The following FCHSD2 variants were observed in gnomAD, a reference collection of about 807,000 sequenced individuals.
FCHSD2 encodes the protein FCH and double SH3 domains 2, also known as F-BAR and double SH3 domains protein 2.
Under a neutral mutation model 108.1 loss-of-function variants are expected in FCHSD2, and 38 were observed. That is an observed-to-expected ratio of 0.35 (90% CI 0.27 to 0.46). The LOEUF (loss-of-function observed/expected upper bound fraction) is 0.46, where lower values mean the gene tolerates loss of function less well. Among genes scored for constraint, FCHSD2 ranks in the 20% least tolerant of loss-of-function variants. The pLI, the probability that FCHSD2 is intolerant of heterozygous loss-of-function variation, is 1.00. For synonymous variants in FCHSD2, 279 were observed against 314.7 expected (o/e 0.89, Z 1.20); for missense variants, 751 against 897.8 (o/e 0.84, Z 2.09).
At chr11:73,038,347 G>GA (rs112268354) in intron 3 of FCHSD2, among the ~76,000 whole-genome samples, 10,344 of 99,154 alleles carry the variant, frequency 0.1, 450 homozygotes, top group South Asian at 0.21. Context: ...GTCTCTTTAA[G>GA]AAAAAAAAAA....
At chr11:73,002,561 A>C (rs1857647262) in intron 4 of FCHSD2, among the ~76,000 whole-genome samples, 1 of 152,218 alleles carries the variant, frequency 6.6e-6, no homozygotes. Flanking sequence ...ATGATTTGTA[A>C]CTATTAATTT....
chr11:72,911,185 T>C (rs1855758104), intron 9 of FCHSD2, among the ~76,000 whole-genome samples: 1 of 152,152 alleles, frequency 6.6e-6, no homozygotes, highest in Non-Finnish European at 1.5e-5. Flanking sequence ...GAGATAGGGG[T>C]CTTAATTCTT....
intron 16 of FCHSD2, 52 bp downstream of exon 16, chr11:72,843,099 A>G: frequency 6.4e-7 from 1 of 1,563,118 alleles, no homozygotes; most frequent in Non-Finnish European, 8.8e-7. Context: ...CCAGGGCAAT[A>G]CAGTTTAGGT....
chr11:73,102,507 T>C (rs1860248259), intron 2 of FCHSD2, among the ~76,000 whole-genome samples: 1 of 152,244 alleles, frequency 6.6e-6, no homozygotes, highest in African/African-American at 2.4e-5. Flanking sequence ...CATCAACTGA[T>C]GAATGAATAA....
intron 6 of FCHSD2, among the ~76,000 whole-genome samples, chr11:72,986,629 G>A (rs1857317358): frequency 1.3e-5 from 2 of 152,144 alleles, no homozygotes; most frequent in African/African-American, 4.8e-5. Context: ...GATATTCCCA[G>A]TTCTCCTTTT....
At chr11:72,881,849 G>A (rs1400187747) in intron 12 of FCHSD2, among the ~76,000 whole-genome samples, 1 of 152,180 alleles carries the variant, frequency 6.6e-6, no homozygotes, top group Non-Finnish European at 1.5e-5. Flanking sequence ...GAAGTAGAGA[G>A]TAGAGGCTGG....
chr11:72,897,757 T>C (rs750931962), intron 10 of FCHSD2, among the ~76,000 whole-genome samples: 4 of 152,210 alleles, frequency 2.6e-5, no homozygotes, highest in Admixed American at 1.3e-4. Flanking sequence ...GACTCTAACA[T>C]TGAGATCCTA....
intron 12 of FCHSD2, among the ~76,000 whole-genome samples, chr11:72,877,785 T>C (rs1855000232): frequency 6.6e-6 from 1 of 151,998 alleles, no homozygotes. Flanking sequence ...GCATGCAGAC[T>C]GCCTGAGCCC....
intron 4 of FCHSD2, among the ~76,000 whole-genome samples, chr11:73,007,493 G>T (rs1857766252): frequency 6.6e-6 from 1 of 152,134 alleles, no homozygotes. Context: ...CATGGTGGTA[G>T]TGGTGGCTAT....
intron 3 of FCHSD2, among the ~76,000 whole-genome samples, chr11:73,019,023 G>A (rs1189499238): frequency 1.3e-5 from 2 of 152,128 alleles, no homozygotes; most frequent in Admixed American, 1.3e-4. Flanking sequence ...CAACATATGG[G>A]TTACTGCCAA....
In FCHSD2 at chr11:73,068,565, T is replaced by A. The variant is rs992954764; in HGVS notation, c.165+15130A>T. ...AACACAAGGTGAACTAAAATTAGAT[T>A]CCTTTATATATTTTTGGTTTAAAGT... On this transcript the variant is annotated intron_variant, in intron 3 of 19. Transcript: ENST00000409418. Among the ~76,000 whole-genome samples, 7 of 152,124 alleles carry A rather than the reference T, an allele frequency of 4.6e-5. No homozygotes were observed. The East Asian group carries it at 1.2e-3, about 25-fold the overall frequency.
intron 2 of FCHSD2, among the ~76,000 whole-genome samples, chr11:73,100,855 T>C (rs1373175056): frequency 1.3e-5 from 2 of 148,802 alleles, no homozygotes; most frequent in Non-Finnish European, 3.0e-5. Context: ...TAGATGCTTC[T>C]ACGTGGGATT....
Position 72,849,177 on chromosome 11 carries a change from C to G in FCHSD2, c.1443+578G>C, listed in dbSNP as rs1270478628. ...TTGCCCCTTCTCACACATGCCTCCACCAGAACAGGGGCAAGAGAAGATTCA... is the reference window on the plus strand; with the variant it reads ...TTGCCCCTTCTCACACATGCCTCCAGCAGAACAGGGGCAAGAGAAGATTCA... On this transcript the variant is annotated intron_variant, in intron 14 of 19. Coordinates refer to ENST00000409418, the MANE Select transcript of FCHSD2 (RefSeq NM_014824.3). 3.3e-5 allele frequency among the ~76,000 whole-genome samples: 5 copies of G among 152,106 alleles called. No individual in the cohort carries two copies. The East Asian group carries it at 7.7e-4, about 23-fold the overall frequency.
chr11:72,992,846 A>G (rs982190618), intron 5 of FCHSD2, among the ~76,000 whole-genome samples: 10 of 152,220 alleles, frequency 6.6e-5, no homozygotes, highest in African/African-American at 2.2e-4. Context: ...ACACAGGCAT[A>G]GGCAAGGACT....
chr11:72,872,537 CAATAT>C (rs963225902), intron 12 of FCHSD2, among the ~76,000 whole-genome samples: 11 of 152,058 alleles, frequency 7.2e-5, no homozygotes, highest in African/African-American at 2.7e-4. Context: ...ACATATGAAA[CAATAT>C]AATACATGGT....
chr11:73,011,866 T>C lies in FCHSD2; in HGVS notation c.242+3943A>G, dbSNP rs551589206. ...ACTTTTCTGTTGAATTCCAGTGTTCTCTTGGATGATCTAGTCAACATGTGA... is the reference window on the plus strand; with the variant it reads ...ACTTTTCTGTTGAATTCCAGTGTTCCCTTGGATGATCTAGTCAACATGTGA... On this transcript the variant is annotated intron_variant, in intron 4 of 19. Coordinates refer to ENST00000409418, the MANE Select transcript of FCHSD2 (RefSeq NM_014824.3). 8.5e-5 allele frequency among the ~76,000 whole-genome samples: 13 copies of C among 152,348 alleles called. No individual in the cohort carries two copies. The East Asian group carries it at 2.5e-3, about 29-fold the overall frequency.
chr11:72,906,167 T>C (rs1855626167), intron 9 of FCHSD2, among the ~76,000 whole-genome samples: 1 of 152,252 alleles, frequency 6.6e-6, no homozygotes, highest in South Asian at 2.1e-4. Flanking sequence ...TGATTTGCAT[T>C]TCTCTGATGA....
intron 8 of FCHSD2, among the ~76,000 whole-genome samples, chr11:72,944,247 AC>A (rs1314462769): frequency 1.3e-5 from 2 of 152,194 alleles, no homozygotes; most frequent in African/African-American, 2.4e-5. Flanking sequence ...GGTTCAACAT[AC>A]TCAAATCAAT....
chr11:72,965,354 T>C (rs907812481), intron 8 of FCHSD2, among the ~76,000 whole-genome samples: 2 of 152,242 alleles, frequency 1.3e-5, no homozygotes, highest in African/African-American at 4.8e-5. Flanking sequence ...GAATTTTTAC[T>C]GAGCGCTCTT....
Sources: gnomAD v4.1 joint callset for allele counts (sites outside exome capture counted in the v4.1 genomes callset) on GRCh38, gnomAD v4.1.1 for gene constraint, MANE v1.5 for transcripts, NCBI Gene and HGNC (gene_info 2026-07-23, HGNC 2026-07-21) for gene names.